The following HPSE2 variants were observed in gnomAD, a reference collection of about 807,000 sequenced individuals.
HPSE2 encodes the protein inactive heparanase-2.
A neutral mutation model predicts 60.5 loss-of-function variants in HPSE2; 38 were observed. The ratio of observed to expected loss-of-function variants is 0.63; its 90% CI spans 0.48 to 0.82. The LOEUF (loss-of-function observed/expected upper bound fraction) is 0.82. HPSE2 is among the 40% of genes least tolerant of loss of function. The pLI is 0.00. For synonymous variants in HPSE2, 295 were observed against 293.2 expected (o/e 1.01, Z -0.06); for missense variants, 713 against 740.4 (o/e 0.96, Z 0.43).
rs917234130 is a variant in HPSE2, at chr10:98,903,818, G to C, written c.611-159762C>G. On this transcript the variant is annotated intron_variant, in intron 3 of 11. Coordinates refer to ENST00000370552, the MANE Select transcript of HPSE2 (RefSeq NM_021828.5). ...AGTTTACAATCTAGTAAGGGAGACA[G>C]ATGTATAAACACACAGTAATATATC... Among the ~76,000 whole-genome samples the C allele has an allele frequency of 3.3e-5, 5 of 152,058 alleles. No homozygotes were observed. In the South Asian group the frequency reaches 1.0e-3, roughly 31 times the overall value.
chr10:98,608,822 G>A (rs1945667283), intron 9 of HPSE2, among the ~76,000 whole-genome samples: 1 of 152,098 alleles, frequency 6.6e-6, no homozygotes, highest in African/African-American at 2.4e-5. Context: ...CCACGGGAAA[G>A]AAAAGAAAGA....
chr10:98,610,260 A>G (rs1483620916), intron 9 of HPSE2, among the ~76,000 whole-genome samples: 1 of 152,088 alleles, frequency 6.6e-6, no homozygotes, highest in Non-Finnish European at 1.5e-5. Flanking sequence ...GGCAGTGCAT[A>G]CTCGGCATTG....
intron 7 of HPSE2, among the ~76,000 whole-genome samples, chr10:98,629,006 C>T (rs1252593917): frequency 1.3e-5 from 2 of 152,160 alleles, no homozygotes; most frequent in African/African-American, 2.4e-5. Context: ...CCTTGATATC[C>T]TGCCTCTAAA....
chr10:98,852,681 C>T (rs1461034653), intron 3 of HPSE2, among the ~76,000 whole-genome samples: 1 of 152,218 alleles, frequency 6.6e-6, no homozygotes, highest in Non-Finnish European at 1.5e-5. Context: ...CTGCTTCAAT[C>T]ACGCCTATTC....
intron 5 of HPSE2, among the ~76,000 whole-genome samples, chr10:98,703,077 G>A (rs559422282): frequency 6.6e-6 from 1 of 152,114 alleles, no homozygotes; most frequent in African/African-American, 2.4e-5. Context: ...GAATCAAACA[G>A]ACACAATAAA....
intron 2 of HPSE2, among the ~76,000 whole-genome samples, chr10:99,197,390 G>A (rs1848437697): frequency 6.6e-6 from 1 of 152,070 alleles, no homozygotes; most frequent in South Asian, 2.1e-4. Context: ...GTAACTCAAA[G>A]GATAAATGCT....
chr10:98,617,958 C>T (rs1425191405), intron 8 of HPSE2, among the ~76,000 whole-genome samples: 1 of 152,120 alleles, frequency 6.6e-6, no homozygotes, highest in Non-Finnish European at 1.5e-5. Flanking sequence ...GATATATAAA[C>T]ATTTCAAAAA....
At chr10:99,308,782 C>T in the HPSE2 span, among the ~76,000 whole-genome samples, 3,095 of 144,960 alleles carry the variant, frequency 0.021, 114 homozygotes, top group East Asian at 0.16. Flanking sequence ...CTAGAAAACA[C>T]AGCATTCCTA....
intron 3 of HPSE2, chr10:99,047,669 G>A (rs1589572173): frequency 2.6e-6 from 2 of 779,032 alleles, no homozygotes; most frequent in Non-Finnish European, 2.3e-6. Flanking sequence ...GAAGAAGACG[G>A]TTCCTGCTGT....
intron 3 of HPSE2, among the ~76,000 whole-genome samples, chr10:98,872,553 G>C (rs1952761774): frequency 6.6e-6 from 1 of 151,918 alleles, no homozygotes; most frequent in Admixed American, 6.6e-5. Flanking sequence ...ACTTCACCTA[G>C]GGTAAAAACA....
intron 3 of HPSE2, among the ~76,000 whole-genome samples, chr10:99,017,844 G>T (rs766982961): frequency 1.3e-5 from 2 of 152,000 alleles, no homozygotes; most frequent in Non-Finnish European, 2.9e-5. Flanking sequence ...ACACATTTTT[G>T]AACACCTACT....
intron 2 of HPSE2, among the ~76,000 whole-genome samples, chr10:99,178,686 A>T (rs1847633617): frequency 6.6e-6 from 1 of 152,174 alleles, no homozygotes; most frequent in South Asian, 2.1e-4. Context: ...AATTCTACAG[A>T]GGTACAAAGA....
chr10:99,188,758 C>A (rs1035129197), intron 2 of HPSE2, among the ~76,000 whole-genome samples: 53 of 152,158 alleles, frequency 3.5e-4, no homozygotes, highest in African/African-American at 1.3e-3. Flanking sequence ...AGCTTTTGGA[C>A]AAGTGAAATA....
intron 2 of HPSE2, among the ~76,000 whole-genome samples, chr10:99,197,462 A>T (rs1663799691): frequency 6.6e-6 from 1 of 152,182 alleles, no homozygotes; most frequent in Admixed American, 6.5e-5. Context: ...CTTGTATCAA[A>T]ATATCTCATG....
intron 2 of HPSE2, among the ~76,000 whole-genome samples, chr10:99,218,814 C>G (rs572324003): frequency 6.6e-6 from 1 of 152,130 alleles, no homozygotes; most frequent in South Asian, 2.1e-4. Flanking sequence ...CTAAGCCTAG[C>G]CTATAGATCC....
chr10:98,985,682 A>G, intron 3 of HPSE2, among the ~76,000 whole-genome samples: 1 of 152,222 alleles, frequency 6.6e-6, no homozygotes, highest in East Asian at 1.9e-4. Context: ...CTCCAATTAA[A>G]AGACACAGAC....
chr10:98,900,911 T>A (rs995165639), intron 3 of HPSE2, among the ~76,000 whole-genome samples: 1 of 152,178 alleles, frequency 6.6e-6, no homozygotes, highest in Non-Finnish European at 1.5e-5. Context: ...TAAATACTCA[T>A]AGCAGTTTTA....
At chr10:98,917,074 T>C (rs149569114) in intron 3 of HPSE2, among the ~76,000 whole-genome samples, 1 of 152,248 alleles carries the variant, frequency 6.6e-6, no homozygotes, top group African/African-American at 2.4e-5. Flanking sequence ...GTGCTGGGTT[T>C]TTCGATTCTT....
At chr10:99,192,733 A>G (rs1255723840) in intron 2 of HPSE2, among the ~76,000 whole-genome samples, 1 of 152,178 alleles carries the variant, frequency 6.6e-6, no homozygotes, top group Non-Finnish European at 1.5e-5. Context: ...CCTGGGCAGC[A>G]TTACATATTT....
Sources: gnomAD v4.1 joint callset for allele counts (sites outside exome capture counted in the v4.1 genomes callset) on GRCh38, gnomAD v4.1.1 for gene constraint, MANE v1.5 for transcripts, NCBI Gene and HGNC (gene_info 2026-07-23, HGNC 2026-07-21) for gene names.